Variants in CACNB4 observed in about 807,000 individuals in gnomAD.
CACNB4 encodes the protein voltage-dependent L-type calcium channel subunit beta-4.
A neutral mutation model predicts 71.2 loss-of-function variants in CACNB4; 32 were observed. The ratio of observed to expected loss-of-function variants is 0.45; its 90% CI spans 0.34 to 0.60. The LOEUF (loss-of-function observed/expected upper bound fraction) is 0.60. Among genes scored for constraint, CACNB4 ranks in the 20% least tolerant of loss-of-function variants. The pLI is 0.01. For synonymous variants in CACNB4, 231 were observed against 236.9 expected, an observed-to-expected ratio of 0.97 and a Z score of 0.23; for missense variants, 464 against 647.9, an observed-to-expected ratio of 0.72 and a Z score of 3.08.
intron 2 of CACNB4, among the ~76,000 whole-genome samples, chr2:152,034,320 G>A (rs142944219): frequency 6.6e-6 from 1 of 152,332 alleles, no homozygotes; most frequent in Non-Finnish European, 1.5e-5. Flanking sequence ...GAAAAGCAGA[G>A]AGTGGATGCA....
chr2:152,017,252 A>C lies in CACNB4; in HGVS notation c.147+81078T>G, dbSNP rs533672243. 1.3e-5 allele frequency among the ~76,000 whole-genome samples: 2 copies of C among 150,178 alleles called. 1 individual carries two copies. The highest frequency in any genetic ancestry group is 5.1e-5 in the African/African-American group (2 of 39,468). On this transcript the variant is annotated intron_variant, in intron 2 of 13. Transcript: ENST00000539935. ...AACGTATCTGAGAAGGGACCTGTGC[A>C]CCTGCATTTTAACAGCACCCCTAGT...
chr2:152,080,828 A>G (rs1453938279), intron 2 of CACNB4, among the ~76,000 whole-genome samples: 14 of 152,002 alleles, frequency 9.2e-5, no homozygotes, highest in African/African-American at 3.1e-4. Flanking sequence ...GTAATGAGTG[A>G]TTTCATGCTT....
intron 9 of CACNB4, among the ~76,000 whole-genome samples, chr2:151,863,791 C>A (rs1042709792): frequency 1.1e-4 from 17 of 152,074 alleles, no homozygotes; most frequent in African/African-American, 3.9e-4. Flanking sequence ...CAATAAAGGG[C>A]ACGTTTTCTC....
At chr2:151,937,410 T>C (rs900562410) in intron 2 of CACNB4, among the ~76,000 whole-genome samples, 1 of 152,162 alleles carries the variant, frequency 6.6e-6, no homozygotes, top group African/African-American at 2.4e-5. Flanking sequence ...AGCTATTAAC[T>C]CAGAGATTAC....
intron 2 of CACNB4, among the ~76,000 whole-genome samples, chr2:152,092,458 C>T (rs1267114236): frequency 6.6e-6 from 1 of 152,166 alleles, no homozygotes; most frequent in Non-Finnish European, 1.5e-5. Context: ...CAGTGTGGTT[C>T]ATTGAATTAT....
chr2:151,931,258 G>A (rs2099861555), intron 2 of CACNB4, among the ~76,000 whole-genome samples: 1 of 152,178 alleles, frequency 6.6e-6, no homozygotes, highest in Non-Finnish European at 1.5e-5. Context: ...GTTTATATGA[G>A]TAATGCTAAC....
chr2:151,866,325 T>A (rs1189455525), intron 9 of CACNB4: 1 of 152,232 alleles, frequency 6.6e-6, no homozygotes, highest in Non-Finnish European at 1.5e-5. Context: ...ACAGATCCCT[T>A]CTTTGTACTT....
chr2:152,024,835 C>A lies in CACNB4; in HGVS notation c.147+73495G>T, dbSNP rs182537207. Reference sequence around the variant, plus strand: ...CTTTGGGAAGCCAAGGTGGGCAGATCACCTGAGGTCAGGAGTTCAAGACCA... The same window carrying A: ...CTTTGGGAAGCCAAGGTGGGCAGATAACCTGAGGTCAGGAGTTCAAGACCA... On this transcript the variant is annotated intron_variant, in intron 2 of 13. Transcript: ENST00000539935. Among the ~76,000 whole-genome samples the A allele has an allele frequency of 3.5e-3, 538 of 152,334 alleles. 5 individuals carry two copies. The highest frequency in any genetic ancestry group is 0.012 in the African/African-American group (516 of 41,572).
intron 2 of CACNB4, among the ~76,000 whole-genome samples, chr2:151,909,799 G>A (rs2099855748): frequency 6.6e-6 from 1 of 152,110 alleles, no homozygotes; most frequent in Non-Finnish European, 1.5e-5. Flanking sequence ...CTTTTATCCA[G>A]TCTATGATTG....
At chr2:152,042,044 G>C (rs568865513) in intron 2 of CACNB4, among the ~76,000 whole-genome samples, 94 of 152,290 alleles carry the variant, frequency 6.2e-4, no homozygotes, top group African/African-American at 2.2e-3. Flanking sequence ...CACACTTCTA[G>C]CCAAACCTCA....
At chr2:152,080,065 G>C (rs1375153681) in intron 2 of CACNB4, among the ~76,000 whole-genome samples, 1 of 151,678 alleles carries the variant, frequency 6.6e-6, no homozygotes, top group African/African-American at 2.4e-5. Flanking sequence ...ATATATTGAA[G>C]TATATGATAA....
intron 2 of CACNB4, among the ~76,000 whole-genome samples, chr2:151,933,535 G>A (rs909480884): frequency 6.6e-6 from 1 of 151,976 alleles, no homozygotes; most frequent in Non-Finnish European, 1.5e-5. Context: ...GGCTCAAAAA[G>A]ACCAAGCAAT....
chr2:152,013,716 A>C (rs1025830751), intron 2 of CACNB4, among the ~76,000 whole-genome samples: 4 of 152,214 alleles, frequency 2.6e-5, no homozygotes. Context: ...ATCAGCAAGA[A>C]TGTGAGAGCT....
chr2:151,975,649 TC>T (rs1474327934), intron 2 of CACNB4, among the ~76,000 whole-genome samples: 2 of 152,038 alleles, frequency 1.3e-5, no homozygotes, highest in African/African-American at 4.8e-5. Flanking sequence ...GAACCTCGGT[TC>T]CCTCCCCCAT....
chr2:151,912,663 T>G (rs1279881054), intron 2 of CACNB4, among the ~76,000 whole-genome samples: 1 of 152,224 alleles, frequency 6.6e-6, no homozygotes, highest in Non-Finnish European at 1.5e-5. Flanking sequence ...TAGAGAGTTC[T>G]GTAGATGTCT....
Position 151,914,417 on chromosome 2 carries a change from C to T in CACNB4, c.148-31047G>A, listed in dbSNP as rs1213520521. On this transcript the variant is annotated intron_variant, in intron 2 of 13. Coordinates refer to ENST00000539935, the MANE Select transcript of CACNB4 (RefSeq NM_000726.5). ...CTTCTTTGCATTGGGTTAGAACATG[C>T]TCCTTTAGCTCAGTGTAGTTTTTTA... Among the ~76,000 whole-genome samples the T allele has an allele frequency of 3.9e-5, 6 of 152,150 alleles. No individual in the cohort carries two copies. In the East Asian group the frequency reaches 1.2e-3, roughly 29 times the overall value.
chr2:151,882,868 T>C, intron 3 of CACNB4: 1 of 279,574 alleles, frequency 3.6e-6, no homozygotes, highest in Non-Finnish European at 6.9e-6. Context: ...AACAGGGCGA[T>C]CCACAGAACA....
chr2:151,870,094 T>G, intron 8 of CACNB4: 1 of 599,942 alleles, frequency 1.7e-6, no homozygotes, highest in East Asian at 2.7e-5. Flanking sequence ...TGGTGGCATA[T>G]GCCATCATCT....
chr2:151,911,337 T>C (rs977355575), intron 2 of CACNB4, among the ~76,000 whole-genome samples: 1 of 152,202 alleles, frequency 6.6e-6, no homozygotes, highest in Non-Finnish European at 1.5e-5. Context: ...TCAAATACTA[T>C]GTTGGATAAG....
Sources: gnomAD v4.1 joint callset for allele counts (sites outside exome capture counted in the v4.1 genomes callset) on GRCh38, gnomAD v4.1.1 for gene constraint, MANE v1.5 for transcripts, NCBI Gene and HGNC (gene_info 2026-07-23, HGNC 2026-07-21) for gene names.